NLGN1: variants seen among roughly 807,000 people sequenced by gnomAD.
NLGN1 encodes neuroligin 1, also known as neuroligin-1.
A neutral mutation model predicts 65.5 loss-of-function variants in NLGN1; 12 were observed. The observed-to-expected ratio is 0.18, with a 90% CI of 0.12 to 0.30. The LOEUF (loss-of-function observed/expected upper bound fraction) is 0.30. NLGN1 is among the 10% of genes least tolerant of loss of function. NLGN1 has a pLI of 1.00. For synonymous variants in NLGN1, 350 were observed against 359.5 expected (o/e 0.97, Z 0.30); for missense variants, 750 against 1,007.1 (o/e 0.74, Z 3.46).
chr3:173,947,362 T>C (rs1014795984), intron 4 of NLGN1, among the ~76,000 whole-genome samples: 9 of 152,114 alleles, frequency 5.9e-5, no homozygotes, highest in African/African-American at 2.2e-4. Context: ...ACAATAGTGA[T>C]AAGAACAATA....
intron 4 of NLGN1, among the ~76,000 whole-genome samples, chr3:174,152,696 A>G (rs1724624963): frequency 6.6e-6 from 1 of 152,080 alleles, no homozygotes; most frequent in Non-Finnish European, 1.5e-5. Flanking sequence ...CTTATTAAAC[A>G]TATTAGGTTT....
At chr3:173,900,097 T>C (rs572651540) in intron 4 of NLGN1, among the ~76,000 whole-genome samples, 75 of 152,210 alleles carry the variant, frequency 4.9e-4, no homozygotes, top group African/African-American at 1.5e-3. Flanking sequence ...GGCAAAACTT[T>C]GGAGCTATTA....
chr3:173,643,294 A>T (rs969265507), intron 3 of NLGN1, among the ~76,000 whole-genome samples: 1 of 152,224 alleles, frequency 6.6e-6, no homozygotes, highest in Non-Finnish European at 1.5e-5. Context: ...TCTAAATGTG[A>T]TGAAAACTAT....
chr3:174,046,960 A>G (rs937980717), intron 4 of NLGN1, among the ~76,000 whole-genome samples: 6 of 152,042 alleles, frequency 3.9e-5, no homozygotes, highest in African/African-American at 1.2e-4. Context: ...TCTACATTGA[A>G]TGTAAATGAA....
chr3:173,622,489 A>G (rs899673298), intron 3 of NLGN1, among the ~76,000 whole-genome samples: 1 of 152,096 alleles, frequency 6.6e-6, no homozygotes, highest in Non-Finnish European at 1.5e-5. Context: ...AATGGCAAGG[A>G]CATCTGGAAA....
At chr3:174,002,062 A>G (rs1020739407) in intron 4 of NLGN1, among the ~76,000 whole-genome samples, 7 of 152,012 alleles carry the variant, frequency 4.6e-5, no homozygotes, top group African/African-American at 1.7e-4. Context: ...TTTAAAAAAA[A>G]AAAAAAAAAC....
In NLGN1 at chr3:173,497,987, A is replaced by G. The variant is rs555896065; in HGVS notation, c.-321+62909A>G. On this transcript the variant is annotated intron_variant, in intron 2 of 6. Coordinates refer to ENST00000457714, the Ensembl canonical transcript of NLGN1. ...TTATAAGGTTTTAGTTATCACTAAC[A>G]ACATGCTTCCTCTCAAATTTGTATT... 3.7e-4 allele frequency among the ~76,000 whole-genome samples: 56 copies of G among 151,968 alleles called. 1 individual carries two copies. The South Asian group carries it at 0.012, about 31-fold the overall frequency.
chr3:173,671,884 G>A (rs1464123790), intron 3 of NLGN1, among the ~76,000 whole-genome samples: 6 of 152,150 alleles, frequency 3.9e-5, no homozygotes, highest in Admixed American at 2.6e-4. Flanking sequence ...AAATAAGAAA[G>A]GAATAGTTGG....
chr3:173,810,171 T>G (rs79824345), intron 4 of NLGN1, among the ~76,000 whole-genome samples: 5,103 of 152,276 alleles, frequency 0.034, 213 homozygotes, highest in East Asian at 0.18. Context: ...TTAAATAAAT[T>G]AATTCATAAA....
intron 2 of NLGN1, among the ~76,000 whole-genome samples, chr3:173,535,818 T>A (rs1475019383): frequency 1.3e-5 from 2 of 152,232 alleles, no homozygotes; most frequent in Non-Finnish European, 2.9e-5. Context: ...ATGGTCATAG[T>A]ATTTTTTGCT....
At chr3:173,856,280 GT>G (rs35885779) in intron 4 of NLGN1, among the ~76,000 whole-genome samples, 129,993 of 151,992 alleles carry the variant, frequency 0.86, 56,195 homozygotes, top group African/African-American at 0.9. Context: ...GTAGTAGCTC[GT>G]TTTACTATAT....
intron 4 of NLGN1, among the ~76,000 whole-genome samples, chr3:173,911,129 CAA>C (rs1739503608): frequency 6.6e-6 from 1 of 152,048 alleles, no homozygotes; most frequent in African/African-American, 2.4e-5. Context: ...TTATAATATC[CAA>C]AGAGAATTTA....
intron 4 of NLGN1, among the ~76,000 whole-genome samples, chr3:174,102,259 A>T (rs1307218837): frequency 1.3e-5 from 2 of 152,070 alleles, no homozygotes; most frequent in Non-Finnish European, 2.9e-5. Flanking sequence ...GCACATTCAC[A>T]CATGGGGGGG....
At chr3:173,653,168 ACAT>A (rs1332693331) in intron 3 of NLGN1, among the ~76,000 whole-genome samples, 19 of 152,152 alleles carry the variant, frequency 1.2e-4, no homozygotes, top group Admixed American at 1.2e-3. Context: ...TATAGATATA[ACAT>A]CATATCATCA....
intron 4 of NLGN1, among the ~76,000 whole-genome samples, chr3:173,898,589 G>A (rs1004174758): frequency 1.3e-5 from 2 of 152,190 alleles, no homozygotes; most frequent in Admixed American, 1.3e-4. Context: ...CTATAACAAT[G>A]TAGTAGCTTC....
intron 2 of NLGN1, among the ~76,000 whole-genome samples, chr3:173,448,884 TA>T (rs1248826340): frequency 1.3e-5 from 2 of 152,238 alleles, no homozygotes; most frequent in African/African-American, 4.8e-5. Flanking sequence ...TGGTAGTTTG[TA>T]TTTCTGTGGG....
rs536096910 is a variant in NLGN1, at chr3:173,813,110, A to T, written c.646+5278A>T. Among the ~76,000 whole-genome samples, 7 of 152,140 alleles carry T rather than the reference A, an allele frequency of 4.6e-5. No individual in the cohort carries two copies. The South Asian group carries it at 1.4e-3, about 32-fold the overall frequency. ...TGGATTAGTAAGGATATAGTAATTG[A>T]TATTTATATTTGAAACTGATTGGCC... On this transcript the variant is annotated intron_variant, in intron 4 of 6. Coordinates refer to ENST00000457714, the Ensembl canonical transcript of NLGN1.
At chr3:173,635,983 G>T (rs1042102395) in intron 3 of NLGN1, among the ~76,000 whole-genome samples, 5 of 152,138 alleles carry the variant, frequency 3.3e-5, no homozygotes, top group Admixed American at 6.6e-5. Flanking sequence ...CAGCAGAAGA[G>T]ACTGTAGTAT....
intron 4 of NLGN1, among the ~76,000 whole-genome samples, chr3:173,855,680 G>A (rs1428666351): frequency 2.6e-5 from 4 of 152,020 alleles, no homozygotes; most frequent in African/African-American, 4.8e-5. Context: ...TCCACCAAAC[G>A]TCTATTATTC....
Sources: gnomAD v4.1 joint callset for allele counts (sites outside exome capture counted in the v4.1 genomes callset) on GRCh38, gnomAD v4.1.1 for gene constraint, MANE v1.5 for transcripts, NCBI Gene and HGNC (gene_info 2026-07-23, HGNC 2026-07-21) for gene names.